Variants in BBX observed in about 807,000 individuals in gnomAD.
BBX encodes the protein BBX high mobility group box domain containing, also known as HMG box transcription factor BBX.
Under a neutral mutation model 100.2 loss-of-function variants are expected in BBX, and 30 were observed. The observed-to-expected ratio is 0.30, with a 90% confidence interval of 0.22 to 0.41. BBX has a LOEUF of 0.41. Among genes scored for constraint, BBX ranks in the 10% least tolerant of loss-of-function variants. The probability of loss-of-function intolerance (pLI) is 1.00; values close to 1 mark genes in which losing one functional copy is unlikely to be tolerated. For missense variants in BBX, 1,023 were observed against 1,129.8 expected, an observed-to-expected ratio of 0.91 and a Z score of 1.35; for synonymous variants, 376 against 388.1, an observed-to-expected ratio of 0.97 and a Z score of 0.37.
rs1160376779 is a variant in BBX, at chr3:107,810,944, T to G, written c.*5487T>G. ...TTTTTGCTTTCAGAAATTGGCTTGG[T>G]TCTCTTTAGAGTTGGTGTAAACATG... On this transcript the variant is annotated 3_prime_UTR_variant, in exon 18 of 18. Transcript: ENST00000325805. 6.6e-6 allele frequency: 1 copy of G among 152,062 alleles called. No homozygotes were observed. Among genetic ancestry groups the G allele is most frequent in the Non-Finnish European group, 1.5e-5 (1 of 68,018 alleles). 9.4% of individuals were successfully genotyped at this position (152,062 alleles called of 1,614,324 possible). A position where few individuals can be genotyped will look rare whatever the true frequency, so the allele number is the denominator to read the frequency against.
intron 3 of BBX, among the ~76,000 whole-genome samples, chr3:107,703,590 A>T (rs549140486): frequency 6.6e-6 from 1 of 152,226 alleles, no homozygotes; most frequent in African/African-American, 2.4e-5. Flanking sequence ...TGAAGAGCAT[A>T]TCGATAACAT....
intron 7 of BBX, among the ~76,000 whole-genome samples, chr3:107,737,947 C>G (rs961611454): frequency 9.1e-6 from 1 of 109,876 alleles, no homozygotes; most frequent in Non-Finnish European, 1.7e-5. Context: ...TTTTGGGCAT[C>G]CCAAATCCAA....
At chr3:107,529,623 A>G (rs1282583451) in intron 2 of BBX, among the ~76,000 whole-genome samples, 3 of 152,218 alleles carry the variant, frequency 2.0e-5, no homozygotes, top group African/African-American at 7.2e-5. Context: ...GGTAGTCATC[A>G]CATACTGTGT....
chr3:107,589,546 G>T (rs538671537), intron 2 of BBX, among the ~76,000 whole-genome samples: 4 of 152,096 alleles, frequency 2.6e-5, no homozygotes, highest in African/African-American at 4.8e-5. Flanking sequence ...TAGCAGCACC[G>T]GTTTAAGTGA....
chr3:107,761,291 G>A (rs2065882378), intron 10 of BBX, among the ~76,000 whole-genome samples: 1 of 152,136 alleles, frequency 6.6e-6, no homozygotes, highest in African/African-American at 2.4e-5. Flanking sequence ...AGTCAGAATT[G>A]GGAGAATGTT....
chr3:107,559,348 G>T (rs1261394061), intron 2 of BBX, among the ~76,000 whole-genome samples: 1 of 152,182 alleles, frequency 6.6e-6, no homozygotes, highest in East Asian at 1.9e-4. Flanking sequence ...CTCAGCTGAG[G>T]CAATTAAACT....
intron 3 of BBX, among the ~76,000 whole-genome samples, chr3:107,698,730 A>G (rs148613979): frequency 6.6e-6 from 1 of 151,820 alleles, no homozygotes; most frequent in East Asian, 1.9e-4. Flanking sequence ...TGATTGATAC[A>G]GGAGAAAAGG....
chr3:107,787,424 T>C (rs2068549626), intron 13 of BBX, among the ~76,000 whole-genome samples: 1 of 152,184 alleles, frequency 6.6e-6, no homozygotes, highest in South Asian at 2.1e-4. Context: ...ACTATTTATA[T>C]GAAATTTCCA....
chr3:107,586,285 TAATC>T (rs752814916), intron 2 of BBX, among the ~76,000 whole-genome samples: 1 of 152,184 alleles, frequency 6.6e-6, no homozygotes, highest in African/African-American at 2.4e-5. Context: ...TTTTGAATAT[TAATC>T]AAGAATGAAC....
At chr3:107,605,721 TC>T (rs2054385818) in intron 2 of BBX, among the ~76,000 whole-genome samples, 1 of 152,164 alleles carries the variant, frequency 6.6e-6, no homozygotes, top group South Asian at 2.1e-4. Context: ...ATGTCCCATC[TC>T]CTCATTTTGC....
At chr3:107,617,824 G>A (rs1200629980) in intron 2 of BBX, among the ~76,000 whole-genome samples, 1 of 151,788 alleles carries the variant, frequency 6.6e-6, no homozygotes, top group Non-Finnish European at 1.5e-5. Context: ...AGATTATCAT[G>A]TCATCTGTAA....
At chr3:107,558,237 C>T (rs2050225915) in intron 2 of BBX, among the ~76,000 whole-genome samples, 1 of 152,126 alleles carries the variant, frequency 6.6e-6, no homozygotes, top group Admixed American at 6.5e-5. Flanking sequence ...GCCTGTAATC[C>T]CCACTTTGGG....
intron 3 of BBX, among the ~76,000 whole-genome samples, chr3:107,698,157 C>T (rs947075462): frequency 1.3e-5 from 2 of 151,854 alleles, no homozygotes; most frequent in Non-Finnish European, 2.9e-5. Flanking sequence ...CACCCGTCTT[C>T]TGGGTCGCTC....
intron 2 of BBX, among the ~76,000 whole-genome samples, chr3:107,609,846 ATTG>A (rs2054712562): frequency 6.6e-6 from 1 of 151,328 alleles, no homozygotes; most frequent in Non-Finnish European, 1.5e-5. Flanking sequence ...GATATTTTGT[ATTG>A]TTTTCTTTAT....
chr3:107,620,389 G>A (rs919465564), intron 2 of BBX, among the ~76,000 whole-genome samples: 1 of 152,178 alleles, frequency 6.6e-6, no homozygotes. Context: ...TTTGTTGTCT[G>A]TTGATTGTAT....
intron 2 of BBX, among the ~76,000 whole-genome samples, chr3:107,570,467 T>A (rs1182388371): frequency 6.6e-6 from 1 of 152,000 alleles, no homozygotes; most frequent in Non-Finnish European, 1.5e-5. Context: ...CTGGGTTGAG[T>A]TTTTACATTT....
intron 5 of BBX, among the ~76,000 whole-genome samples, chr3:107,724,847 C>T (rs1371424011): frequency 2.0e-5 from 3 of 152,156 alleles, no homozygotes. Flanking sequence ...AGCGTGATGC[C>T]TCCAGCTTTG....
intron 2 of BBX, among the ~76,000 whole-genome samples, chr3:107,576,667 A>C (rs2051800357): frequency 6.6e-6 from 1 of 152,102 alleles, no homozygotes; most frequent in South Asian, 2.1e-4. Context: ...ACTTTTTGAC[A>C]CTCAATATTT....
intron 6 of BBX, among the ~76,000 whole-genome samples, chr3:107,730,734 A>G (rs1576543161): frequency 6.6e-6 from 1 of 152,316 alleles, no homozygotes; most frequent in Non-Finnish European, 1.5e-5. Context: ...CCTTGCATTT[A>G]TCTCATTATG....
Sources: gnomAD v4.1 joint callset for allele counts (sites outside exome capture counted in the v4.1 genomes callset) on GRCh38, gnomAD v4.1.1 for gene constraint, MANE v1.5 for transcripts, NCBI Gene and HGNC (gene_info 2026-07-23, HGNC 2026-07-21) for gene names.